FBXO21: variants seen among roughly 807,000 people sequenced by gnomAD.
The protein encoded by FBXO21 is F-box only protein 21.
FBXO21 carries 32 observed loss-of-function variants against 76.6 expected under a neutral mutation model. That is an observed-to-expected ratio of 0.42 (90% CI 0.32 to 0.56). The LOEUF (loss-of-function observed/expected upper bound fraction) is 0.56, where lower values mean the gene tolerates loss of function less well. Ranked by LOEUF, FBXO21 falls within the 20% of genes least tolerant of loss-of-function variation. FBXO21 has a pLI of 0.16. For synonymous variants in FBXO21, 328 were observed against 311.5 expected, an observed-to-expected ratio of 1.05 and a Z score of -0.56; for missense variants, 586 against 797.3, an observed-to-expected ratio of 0.73 and a Z score of 3.19.
At chr12:117,179,926 G>A (rs1427895559) in intron 3 of FBXO21, among the ~76,000 whole-genome samples, 1 of 151,714 alleles carries the variant, frequency 6.6e-6, no homozygotes, top group Non-Finnish European at 1.5e-5. Context: ...AATGATATGG[G>A]CTTCTATTTA....
rs193063380 is a variant in FBXO21, at chr12:117,144,543, A to G, written c.*1544T>C. 1.3e-5 allele frequency: 2 copies of G among 152,302 alleles called. No homozygotes were observed. Among genetic ancestry groups the G allele is most frequent in the East Asian group, 3.9e-4 (2 of 5,188 alleles). 9.4% of individuals were successfully genotyped at this position (152,302 alleles called of 1,614,324 possible). A position where few individuals can be genotyped will look rare whatever the true frequency, so the allele number is the denominator to read the frequency against. On this transcript the variant is annotated 3_prime_UTR_variant, in exon 12 of 12. Coordinates refer to ENST00000622495, the MANE Select transcript of FBXO21 (RefSeq NM_015002.3). Reference sequence around the variant, plus strand: ...TCACCCCAGGGTTTCCAAAGGGTAAACAAGCAGCAGGCATTCAACATGGGT... The same window carrying G: ...TCACCCCAGGGTTTCCAAAGGGTAAGCAAGCAGCAGGCATTCAACATGGGT...
chr12:117,158,830 G>T (rs1237548841), intron 9 of FBXO21, among the ~76,000 whole-genome samples: 3 of 152,196 alleles, frequency 2.0e-5, no homozygotes, highest in African/African-American at 4.8e-5. Context: ...CGCCTCTACT[G>T]CACACAGTGC....
At position 117,147,597 on chromosome 12, in the gene FBXO21, CAAAAAA is replaced by C. The variant is rs57318190; in HGVS notation, c.1676-1326_1676-1321del. On this transcript the variant is annotated intron_variant, in intron 11 of 11. Coordinates refer to ENST00000622495, the MANE Select transcript of FBXO21 (RefSeq NM_015002.3). ...TGGGCAGCAGAGCAAGACTCCATCT[CAAAAAA>C]AAAAAAAAAAAAAAAGAGATAATAC... 2.7e-3 allele frequency among the ~76,000 whole-genome samples: 240 copies of C among 87,362 alleles called. 5 individuals are homozygous for C. The highest frequency in any genetic ancestry group is 0.02 in the East Asian group (68 of 3,462). 57.3% of individuals were successfully genotyped at this position (87,362 alleles called of 152,430 possible).
intron 2 of FBXO21, among the ~76,000 whole-genome samples, chr12:117,187,246 C>T (rs1956292640): frequency 6.6e-6 from 1 of 151,508 alleles, no homozygotes; most frequent in Non-Finnish European, 1.5e-5. Context: ...CATAGAGAAA[C>T]CCCATCTCTA....
At chr12:117,174,114 G>T in intron 6 of FBXO21, 91 bp downstream of exon 6, 1 of 1,079,362 alleles carries the variant, frequency 9.3e-7, no homozygotes, top group Non-Finnish European at 1.4e-6. Context: ...TCCAGCCTGA[G>T]CAACAGAGCG....
chr12:117,165,686 C>T (rs968564700), intron 8 of FBXO21, 69 bp from the exon 9 acceptor site: 1 of 1,449,026 alleles, frequency 6.9e-7, no homozygotes, highest in Non-Finnish European at 9.3e-7. Flanking sequence ...TTTTTCAAGG[C>T]CCAGGTTTTA....
intron 7 of FBXO21, among the ~76,000 whole-genome samples, chr12:117,168,381 G>A (rs1005407558): frequency 2.6e-5 from 4 of 151,980 alleles, no homozygotes; most frequent in African/African-American, 9.7e-5. Context: ...AAAATTAGCT[G>A]GGCGTGGTGG....
chr12:117,186,341 A>C lies in FBXO21; in HGVS notation c.470+136T>G, dbSNP rs937137931. ...GGTGTATCTACCTAATATACACAGAACTTTTCAAAACTGTAACTATGACAA... is the reference window on the plus strand; with the variant it reads ...GGTGTATCTACCTAATATACACAGACCTTTTCAAAACTGTAACTATGACAA... On this transcript the variant is annotated intron_variant, in intron 3 of 11. Transcript: ENST00000622495. The C allele has an allele frequency of 7.4e-6, 5 of 677,018 alleles. No individual in the cohort carries two copies. The African/African-American group carries it at 9.1e-5, about 12-fold the overall frequency. The allele number at this position is 677,018 out of a possible 1,614,324, so 41.9% of individuals were successfully genotyped here.
chr12:117,147,304 A>AG (rs1565993556), intron 11 of FBXO21, among the ~76,000 whole-genome samples: 20 of 117,744 alleles, frequency 1.7e-4, no homozygotes, highest in South Asian at 6.0e-4. Flanking sequence ...AAAAAAAAAA[A>AG]AAAGAAAAAA....
chr12:117,156,023 C>A, intron 10 of FBXO21, 75 bp from the exon 11 acceptor site: 1 of 1,407,986 alleles, frequency 7.1e-7, no homozygotes, highest in Non-Finnish European at 1.0e-6. Flanking sequence ...CGTGGCTTCT[C>A]AGCTCACATC....
intron 5 of FBXO21, 149 bp from the exon 6 acceptor site, chr12:117,174,490 G>C: frequency 8.3e-7 from 1 of 1,198,966 alleles, no homozygotes; most frequent in East Asian, 2.4e-5. Context: ...GTATGTATTT[G>C]AAGTGTTTTA....
intron 7 of FBXO21, among the ~76,000 whole-genome samples, chr12:117,172,138 C>A (rs901578040): frequency 6.6e-5 from 10 of 152,166 alleles, no homozygotes; most frequent in African/African-American, 1.9e-4. Context: ...ACTCTGAGAA[C>A]CACAGAGGAC....
chr12:117,167,533 T>C (rs548768674), intron 7 of FBXO21, among the ~76,000 whole-genome samples: 2 of 152,058 alleles, frequency 1.3e-5, no homozygotes, highest in African/African-American at 4.8e-5. Flanking sequence ...GATCACAAGG[T>C]GAGCAGATTG....
At chr12:117,147,716 T>G (rs1955792329) in intron 11 of FBXO21, among the ~76,000 whole-genome samples, 1 of 152,230 alleles carries the variant, frequency 6.6e-6, no homozygotes, top group African/African-American at 2.4e-5. Flanking sequence ...AGGACGGTGC[T>G]TTGTGCGCCC....
At chr12:117,177,781 TAGC>T (rs1184701113) in intron 3 of FBXO21, 140 bp from the exon 4 acceptor site, 3 of 641,610 alleles carry the variant, frequency 4.7e-6, no homozygotes, top group Non-Finnish European at 5.1e-6. Flanking sequence ...ATAATGGAAA[TAGC>T]AGTCTTTGAA....
chr12:117,144,262 A>G lies in FBXO21; in HGVS notation c.*1825T>C, dbSNP rs1030011718. ...CATTCATATTAATTAATTCCGTATT[A>G]TCAAACTTTCCCCTTTAAATGAAAG... On this transcript the variant is annotated 3_prime_UTR_variant, in exon 12 of 12. Coordinates refer to ENST00000622495, the MANE Select transcript of FBXO21 (RefSeq NM_015002.3). 1 of 152,260 alleles carries G rather than the reference A, an allele frequency of 6.6e-6. No individual in the cohort carries two copies. The highest frequency in any genetic ancestry group is 2.4e-5 in the African/African-American group (1 of 41,472). 9.4% of individuals were successfully genotyped at this position (152,260 alleles called of 1,614,324 possible).
At chr12:117,190,106 C>T in intron 1 of FBXO21, 112 bp downstream of exon 1, 1 of 431,178 alleles carries the variant, frequency 2.3e-6, no homozygotes, top group Non-Finnish European at 3.1e-6. Flanking sequence ...GGAAGGGGTC[C>T]GGGGTGGGGT....
At chr12:117,184,833 C>T (rs182683491) in intron 3 of FBXO21, among the ~76,000 whole-genome samples, 7 of 152,240 alleles carry the variant, frequency 4.6e-5, no homozygotes, top group African/African-American at 1.2e-4. Flanking sequence ...ATGTTTTACC[C>T]GTTGAAGAGG....
In FBXO21 at chr12:117,145,886, T is replaced by G; in HGVS notation, c.*201A>C. The G allele has an allele frequency of 2.1e-6, 1 of 475,542 alleles. No homozygotes were observed. Among genetic ancestry groups the G allele is most frequent in the Non-Finnish European group, 3.7e-6 (1 of 270,746 alleles). 29.5% of individuals were successfully genotyped at this position (475,542 alleles called of 1,614,324 possible). On this transcript the variant is annotated 3_prime_UTR_variant, in exon 12 of 12. Coordinates refer to ENST00000622495, the MANE Select transcript of FBXO21 (RefSeq NM_015002.3). The stretch of plus-strand genomic sequence containing the variant: ...AGTGCCTTTCAGATTAATTCACTAG[T>G]GTAGGCGGAGAGCAACATTGTCTTT...
Sources: allele counts gnomAD v4.1 joint callset (sites outside exome capture counted in the v4.1 genomes callset), GRCh38; gene constraint gnomAD v4.1.1; transcripts MANE v1.5; gene names NCBI Gene and HGNC (gene_info 2026-07-23, HGNC 2026-07-21).